The following POM121 variants were observed in gnomAD, a reference collection of about 807,000 sequenced individuals.
The protein encoded by POM121 is nuclear envelope pore membrane protein POM 121.
Under a neutral mutation model 81.3 loss-of-function variants are expected in POM121, and 32 were observed. The observed-to-expected ratio is 0.39, with a 90% confidence interval of 0.30 to 0.53. The LOEUF is 0.53. Among genes scored for constraint, POM121 ranks in the 20% least tolerant of loss-of-function variants. POM121 has a pLI of 0.66. For synonymous variants in POM121, 514 were observed against 694.2 expected, an observed-to-expected ratio of 0.74 and a Z score of 4.08; for missense variants, 1,138 against 1,614.6, an observed-to-expected ratio of 0.70 and a Z score of 5.06.
At chr7:72,913,992 A>G (rs369786635) in intron 4 of POM121, among the ~76,000 whole-genome samples, 2,455 of 152,096 alleles carry the variant, frequency 0.016, 66 homozygotes, top group African/African-American at 0.055. Flanking sequence ...CTTTGAGCCT[A>G]TGCACATCTT....
intron 5 of POM121, among the ~76,000 whole-genome samples, chr7:72,932,225 A>G (rs541848901): frequency 1.9e-3 from 284 of 149,466 alleles, no homozygotes; most frequent in Middle Eastern, 3.4e-3. Flanking sequence ...ATCCCTTTCC[A>G]CTCTACATTT....
intron 3 of POM121, chr7:72,891,226 T>G: frequency 1.8e-6 from 1 of 544,028 alleles, no homozygotes; most frequent in Non-Finnish European, 3.4e-6. Flanking sequence ...CCCCCAAATA[T>G]CACTTTCCTT....
chr7:72,881,595 A>T (rs571090155), intron 1 of POM121, among the ~76,000 whole-genome samples: 3 of 151,464 alleles, frequency 2.0e-5, no homozygotes, highest in Non-Finnish European at 4.4e-5. Context: ...ATTTTATTTT[A>T]TGATGCATTT....
intron 5 of POM121, among the ~76,000 whole-genome samples, chr7:72,933,237 C>A (rs1408386107): frequency 9.9e-5 from 15 of 152,008 alleles, no homozygotes; most frequent in Non-Finnish European, 1.9e-4. Context: ...GCCTGTAATC[C>A]CAGTTACTTG....
upstream of POM121, among the ~76,000 whole-genome samples, chr7:72,923,946 AT>A (rs201839069): frequency 1.7e-5 from 2 of 120,396 alleles, no homozygotes; most frequent in Non-Finnish European, 3.5e-5. Context: ...CTGAATTGCA[AT>A]TTTTTTTTCT....
Position 72,939,345 on chromosome 7 carries a change from G to T in POM121, c.1377G>T (p.Glu459Asp). The T allele has an allele frequency of 6.2e-7, 1 of 1,613,908 alleles. No homozygotes were observed. Among genetic ancestry groups the T allele is most frequent in the Non-Finnish European group, 8.5e-7 (1 of 1,179,820 alleles). ...ERPAKKIREE[E>D]LCHHSSSSTP... ...CCTTTTTTCCTGACAGAGAAGAGGA[G>T]CTGTGTCATCATTCCAGTTCTTCAA... Residue 459 changes from glutamate to aspartate, a missense_variant, in exon 7 of 13, where the codon GAG becomes GAT. Glu to Asp is a conservative substitution (Grantham distance 45). Around this residue, in one of 7 missense-constraint regions of POM121, gnomAD observed 646 missense variants for 633.5 expected, o/e 1.02. Transcript: ENST00000434423.
intron 4 of POM121, among the ~76,000 whole-genome samples, chr7:72,917,783 G>A (rs1351103662): frequency 1.3e-5 from 2 of 152,208 alleles, no homozygotes; most frequent in Non-Finnish European, 2.9e-5. Flanking sequence ...AAGACAGCTG[G>A]GCCCGGGGGA....
chr7:72,938,007 C>A (rs1326216653), intron 5 of POM121, among the ~76,000 whole-genome samples: 5 of 152,108 alleles, frequency 3.3e-5, no homozygotes, highest in African/African-American at 4.8e-5. Flanking sequence ...TTACTTCTAT[C>A]CTCTCCGTAG....
chr7:72,915,705 C>T (rs1554494983), intron 4 of POM121, among the ~76,000 whole-genome samples: 1 of 152,102 alleles, frequency 6.6e-6, no homozygotes, highest in African/African-American at 2.4e-5. Flanking sequence ...CAGAGTCTCA[C>T]TGTGTTGCCC....
chr7:72,943,825 G>A (rs1445852125), intron 11 of POM121, among the ~76,000 whole-genome samples: 4 of 152,194 alleles, frequency 2.6e-5, no homozygotes, highest in Admixed American at 2.0e-4. Context: ...ATCACTTGAG[G>A]CCAGGAGTTC....
At chr7:72,897,670 A>G (rs1326213916) in intron 3 of POM121, among the ~76,000 whole-genome samples, 1 of 152,180 alleles carries the variant, frequency 6.6e-6, no homozygotes, top group Non-Finnish European at 1.5e-5. Flanking sequence ...AACAAGCCAG[A>G]GGTATGGATG....
chr7:72,930,110 A>C lies in POM121; in HGVS notation c.1274A>C (p.Gln425Pro), dbSNP rs782510843. Residue 425 changes from glutamine to proline, a missense_variant and splice_region_variant, in exon 5 of 13, where the codon CAG becomes CCG. By Grantham distance (76) the Gln-to-Pro change is moderately conservative. This residue lies in a region of POM121 where 646 missense variants were observed against 633.5 expected (regional missense o/e 1.02). Transcript: ENST00000434423. ...TACAGCTCCACTCGAGGCATCTCAC[A>C]GGTACAAGTACAGCTCTTTTAATGT... Reference protein sequence around the residue: ...SSYSSTRGISQLWKRNGPSSS... With the variant: ...SSYSSTRGISPLWKRNGPSSS... The C allele has an allele frequency of 6.2e-7, 1 of 1,610,160 alleles. No homozygotes were observed.
chr7:72,939,552 C>T (rs1341723398), intron 7 of POM121, 143 bp downstream of exon 7: 15 of 1,375,082 alleles, frequency 1.1e-5, no homozygotes, highest in East Asian at 5.0e-5. Flanking sequence ...GATTTCCTCT[C>T]CTTCAGAAGT....
At position 72,899,038 on chromosome 7, in the gene POM121, A is replaced by G. The variant is rs1554492212; in HGVS notation, c.-216+7928A>G. Among the ~76,000 whole-genome samples the G allele has an allele frequency of 5.3e-5, 6 of 113,574 alleles. No individual in the cohort carries two copies. In the Admixed American group the frequency reaches 7.9e-4, roughly 15 times the overall value. 74.5% of individuals were successfully genotyped at this position (113,574 alleles called of 152,430 possible). A position where few individuals can be genotyped will look rare whatever the true frequency, so the allele number is the denominator to read the frequency against. Reference sequence around the variant, plus strand: ...GTCTCTGTTGCCCAGGTTGGGGTGGAGTTGTGCCATCTCAGCTCACTGCAA... The same window carrying G: ...GTCTCTGTTGCCCAGGTTGGGGTGGGGTTGTGCCATCTCAGCTCACTGCAA... On this transcript the variant is annotated intron_variant, in intron 3 of 15. Transcript: ENST00000395270.
chr7:72,893,747 G>A (rs1465540312), intron 3 of POM121, among the ~76,000 whole-genome samples: 2 of 152,164 alleles, frequency 1.3e-5, no homozygotes, highest in African/African-American at 4.8e-5. Context: ...AGTGTGGCTC[G>A]TCAGCAAGCG....
chr7:72,942,527 G>C lies in POM121; in HGVS notation c.2534G>C (p.Ser845Thr). 2.1e-6 allele frequency: 2 copies of C among 962,662 alleles called. No individual in the cohort carries two copies. The highest frequency in any genetic ancestry group is 3.0e-6 in the Non-Finnish European group (2 of 668,030). 59.6% of individuals were successfully genotyped at this position (962,662 alleles called of 1,614,324 possible). A position where few individuals can be genotyped will look rare whatever the true frequency, so the allele number is the denominator to read the frequency against. ...AFGFGINSVS[S>T]SSVSTTTSTA... ...GGCTTTGGCATAAACAGTGTGAGCA[G>C]CAGCAGTGTGAGTACCACGACCAGC... The change falls in exon 11 of 13, where the codon AGC becomes ACC. Residue 845 changes from serine to threonine, a missense_variant. By Grantham distance (58) the Ser-to-Thr change is moderately conservative. Coordinates refer to ENST00000434423, the MANE Select transcript of POM121 (RefSeq NM_001387691.1).
rs1312261247 is a variant in POM121, at chr7:72,925,113, G to A, written c.-9G>A. 5.0e-6 allele frequency: 7 copies of A among 1,404,886 alleles called. No homozygotes were observed. The African/African-American group carries it at 6.1e-5, about 12-fold the overall frequency. The allele number at this position is 1,404,886 out of a possible 1,614,324, so 87.0% of individuals were successfully genotyped here. A position where few individuals can be genotyped will look rare whatever the true frequency, so the allele number is the denominator to read the frequency against. On this transcript the variant is annotated 5_prime_UTR_variant, in exon 1 of 13. Coordinates refer to ENST00000434423, the MANE Select transcript of POM121 (RefSeq NM_001387691.1). ...GATATTTAAGTCTCCTCCGCGGCGC[G>A]GAGCCGCGATGTCTCCGGCGGCTGC... is the stretch of plus-strand genomic sequence containing the variant.
intron 3 of POM121, among the ~76,000 whole-genome samples, chr7:72,901,715 C>T (rs557240326): frequency 6.6e-6 from 1 of 150,892 alleles, no homozygotes; most frequent in East Asian, 2.0e-4. Context: ...TGTTGCCAGG[C>T]TGGTCTTGAA....
rs57062510 is a variant in POM121, at chr7:72,888,675, AGT to A, written c.-520-1925_-520-1924del. Among the ~76,000 whole-genome samples the A allele has an allele frequency of 4.3e-3, 618 of 142,868 alleles. 3 individuals are homozygous for A. Among genetic ancestry groups the A allele is most frequent in the Middle Eastern group, 0.011 (3 of 284 alleles). The allele number at this position is 142,868 out of a possible 152,430, so 93.7% of individuals were successfully genotyped here. A position where few individuals can be genotyped will look rare whatever the true frequency, so the allele number is the denominator to read the frequency against. On this transcript the variant is annotated intron_variant, in intron 1 of 15. Transcript: ENST00000395270. Reference sequence around the variant, plus strand: ...CGGACCGAGAAGACTGAGGCATAAGAGTGTGTGTGTGTGTGTGTGTGTGTGTG... The same window carrying A: ...CGGACCGAGAAGACTGAGGCATAAGAGTGTGTGTGTGTGTGTGTGTGTGTG...
Sources: gnomAD v4.1 joint callset for allele counts (sites outside exome capture counted in the v4.1 genomes callset) on GRCh38, gnomAD v4.1.1 for gene constraint, gnomAD v4.1.1 regional missense constraint, MANE v1.5 for transcripts, NCBI Gene and HGNC (gene_info 2026-07-23, HGNC 2026-07-21) for gene names.